Variants in WFDC3 observed in about 807,000 individuals in gnomAD.
WFDC3 encodes the protein WAP four-disulfide core domain protein 3.
WFDC3 carries 15 observed loss-of-function variants against 25.8 expected under a neutral mutation model. The observed-to-expected ratio is 0.58, with a 90% CI of 0.39 to 0.89. The LOEUF is 0.89. WFDC3 is among the 40% of genes least tolerant of loss of function. The probability of loss-of-function intolerance (pLI) is 0.00; values close to 1 mark genes in which losing one functional copy is unlikely to be tolerated. For missense variants in WFDC3, 264 were observed against 289.8 expected, an observed-to-expected ratio of 0.91 and a Z score of 0.65; for synonymous variants, 103 against 107.1, an observed-to-expected ratio of 0.96 and a Z score of 0.24.
At chr20:45,779,933 T>A (rs1455492388) in intron 4 of WFDC3, 1 of 152,486 alleles carries the variant, frequency 6.6e-6, no homozygotes, top group African/African-American at 2.4e-5. Flanking sequence ...CCACCCAGTC[T>A]GACACCCTGC....
chr20:45,790,297 GA>G (rs1980897018), intron 1 of WFDC3, among the ~76,000 whole-genome samples: 1 of 152,160 alleles, frequency 6.6e-6, no homozygotes, highest in South Asian at 2.1e-4. Context: ...ATTGGAAAAA[GA>G]ATCAAAGAGA....
In WFDC3 at chr20:45,789,056, T is replaced by C. The variant is rs752598415; in HGVS notation, c.86A>G (p.Lys29Arg). The C allele has an allele frequency of 4.3e-6, 7 of 1,612,346 alleles. No homozygotes were observed. Among genetic ancestry groups the C allele is most frequent in the African/African-American group, 1.3e-5 (1 of 74,912 alleles). ...CTTATGGGGAGGGCATTCTCCCTCT[T>C]TTGCTGCAAAAGATACTATTTGAGT... ...ESWITAGEHA[K>R]EGECPPHKNP... Residue 29 changes from lysine (K) to arginine (R), a missense_variant, in exon 3 of 7, where the codon AAA becomes AGA. Physicochemically the swap from Lys to Arg is conservative, Grantham distance 26 (BLOSUM62 2). Transcript: ENST00000243938.
intron 4 of WFDC3, among the ~76,000 whole-genome samples, chr20:45,786,802 T>C (rs1427641358): frequency 6.6e-6 from 1 of 151,930 alleles, no homozygotes; most frequent in Non-Finnish European, 1.5e-5. Flanking sequence ...AACATAAGAA[T>C]CTCAGGAGCA....
chr20:45,786,768 GC>G (rs1200433476), intron 4 of WFDC3, among the ~76,000 whole-genome samples: 3 of 152,090 alleles, frequency 2.0e-5, no homozygotes, highest in African/African-American at 7.2e-5. Flanking sequence ...ACAGGAGACA[GC>G]CCCGCCGTGT....
At chr20:45,783,375 A>G (rs888685892) in intron 4 of WFDC3, among the ~76,000 whole-genome samples, 21 of 151,932 alleles carry the variant, frequency 1.4e-4, no homozygotes, top group African/African-American at 4.4e-4. Context: ...TTTCTCAGGG[A>G]ACTAAGGCAG....
intron 4 of WFDC3, among the ~76,000 whole-genome samples, chr20:45,780,063 C>CTTTTTT (rs3080097): frequency 2.3e-5 from 2 of 88,596 alleles, no homozygotes; most frequent in African/African-American, 4.0e-5. Context: ...GCCTTTATAC[C>CTTTTTT]TTTTTTTTTT....
Position 45,786,526 on chromosome 20 carries a change from T to G in WFDC3, c.358+1310A>C, listed in dbSNP as rs6130931. On this transcript the variant is annotated intron_variant, in intron 4 of 6. Transcript: ENST00000243938. ...CATGCTTATTTGTTAAACCTCTTTC[T>G]CTGCCATGAGACTATGAGCTCCATG... Among the ~76,000 whole-genome samples the G allele has an allele frequency of 6.7e-3, 1,016 of 152,356 alleles. 38 individuals are homozygous for G. In the East Asian group the frequency reaches 0.12, roughly 18 times the overall value.
At chr20:45,789,437 T>G (rs1328772746) in intron 2 of WFDC3, among the ~76,000 whole-genome samples, 1 of 137,954 alleles carries the variant, frequency 7.2e-6, no homozygotes, top group East Asian at 2.2e-4. Flanking sequence ...ACCTGGGAGG[T>G]GGAGTTTGCA....
In WFDC3 at chr20:45,789,929, C is replaced by A; in HGVS notation, c.47G>T (p.Gly16Val). 1 of 1,614,020 alleles carries A rather than the reference C, an allele frequency of 6.2e-7. No homozygotes were observed. The highest frequency in any genetic ancestry group is 8.5e-7 in the Non-Finnish European group (1 of 1,179,992). ...TGCAGTTATCCAGGATTCCAGAGAC[C>A]CAAGAGCAAGAAGTGCCTTCAGAAG... Reference protein sequence around the residue: ...LFLLKALLALGSLESWITAGE... With the variant: ...LFLLKALLALVSLESWITAGE... The change falls in exon 2 of 7, where the codon GGG becomes GTG. Residue 16 changes from glycine to valine, a missense_variant. Gly to Val is a moderately radical substitution (Grantham distance 109). Coordinates refer to ENST00000243938, the MANE Select transcript of WFDC3 (RefSeq NM_080614.2).
Position 45,787,240 on chromosome 20 carries a change from CTG to C in WFDC3, c.358+594_358+595del, listed in dbSNP as rs1980714110. The stretch of plus-strand genomic sequence containing the variant: ...GATTTTTTAACAGAGAATATTGCAA[CTG>C]ATTATGGGAACTGGGAATTACCCAG... On this transcript the variant is annotated intron_variant, in intron 4 of 6. Coordinates refer to ENST00000243938, the MANE Select transcript of WFDC3 (RefSeq NM_080614.2). Among the ~76,000 whole-genome samples, 5 of 140,764 alleles carry C rather than the reference CTG, an allele frequency of 3.6e-5. No homozygotes were observed. In the South Asian group the frequency reaches 1.1e-3, roughly 32 times the overall value. 92.3% of individuals were successfully genotyped at this position (140,764 alleles called of 152,430 possible).
intron 1 of WFDC3, 125 bp from the exon 2 acceptor site, chr20:45,790,107 A>G: frequency 1.6e-6 from 1 of 626,026 alleles, no homozygotes; most frequent in Non-Finnish European, 2.8e-6. Context: ...CTTTCACAAT[A>G]CTCCCCAAGA....
At chr20:45,783,239 G>A (rs987754184) in intron 4 of WFDC3, among the ~76,000 whole-genome samples, 3 of 152,196 alleles carry the variant, frequency 2.0e-5, no homozygotes, top group South Asian at 2.1e-4. Flanking sequence ...GAGAAGGGGC[G>A]GACCAGAACA....
Position 45,774,440 on chromosome 20 carries a change from G to A in WFDC3, c.684C>T (p.Ile228=). The change falls in exon 7 of 7, where the codon ATC becomes ATT. Residue 228 remains isoleucine, a synonymous_variant. Coordinates refer to ENST00000243938, the MANE Select transcript of WFDC3 (RefSeq NM_080614.2). The part of the protein sequence containing the change: ...WTVRSDSELE[I]PVP ...CAAATCAGCACAGCTAGGGCACCGG[G>A]ATCTCTGCAAGTAGAAGAAACATCA... 6.2e-7 allele frequency: 1 copy of A among 1,614,080 alleles called. No homozygotes were observed. Among genetic ancestry groups the A allele is most frequent in the Non-Finnish European group, 8.5e-7 (1 of 1,180,000 alleles).
chr20:45,790,094 T>C, intron 1 of WFDC3, 112 bp from the exon 2 acceptor site: 1 of 690,522 alleles, frequency 1.4e-6, no homozygotes, highest in Non-Finnish European at 2.5e-6. Flanking sequence ...CCCAAAACCT[T>C]CCCTTTCACA....
At chr20:45,775,691 A>G in intron 5 of WFDC3, 89 bp from the exon 6 acceptor site, 1 of 1,531,762 alleles carries the variant, frequency 6.5e-7, no homozygotes, top group South Asian at 1.2e-5. Flanking sequence ...CAGAGGCTCT[A>G]GGTCAATCAA....
chr20:45,777,663 C>A (rs1029324314), intron 4 of WFDC3, among the ~76,000 whole-genome samples: 1 of 152,156 alleles, frequency 6.6e-6, no homozygotes, highest in South Asian at 2.1e-4. Context: ...GGACTAGAGG[C>A]ACAAGCCACC....
intron 4 of WFDC3, among the ~76,000 whole-genome samples, chr20:45,786,682 G>A (rs989032774): frequency 8.5e-5 from 13 of 152,102 alleles, no homozygotes; most frequent in African/African-American, 3.1e-4. Context: ...AGGTCACTGG[G>A]ACTCTGCAAA....
chr20:45,785,236 A>G (rs2144180), intron 4 of WFDC3, among the ~76,000 whole-genome samples: 2,589 of 152,200 alleles, frequency 0.017, 72 homozygotes, highest in African/African-American at 0.058. Context: ...TTTGGGAGCC[A>G]AGGTGGGCAG....
At chr20:45,779,264 A>G (rs1219859404) in intron 4 of WFDC3, among the ~76,000 whole-genome samples, 1 of 152,250 alleles carries the variant, frequency 6.6e-6, no homozygotes, top group Non-Finnish European at 1.5e-5. Context: ...GAAAGGTGAC[A>G]GGCAATTAAA....
Sources: allele counts gnomAD v4.1 joint callset (sites outside exome capture counted in the v4.1 genomes callset), GRCh38; gene constraint gnomAD v4.1.1; transcripts MANE v1.5; gene names NCBI Gene and HGNC (gene_info 2026-07-23, HGNC 2026-07-21).